The following NFAT5 variants were observed in gnomAD, a reference collection of about 807,000 sequenced individuals.
The protein encoded by NFAT5 is nuclear factor of activated T cells 5.
A neutral mutation model predicts 166.5 loss-of-function variants in NFAT5; 31 were observed. The observed-to-expected ratio is 0.19, with a 90% CI of 0.14 to 0.25. The LOEUF (loss-of-function observed/expected upper bound fraction) is 0.25, where lower values mean the gene tolerates loss of function less well. NFAT5 is among the 10% of genes least tolerant of loss of function. The probability of loss-of-function intolerance (pLI) is 1.00; values close to 1 mark genes in which losing one functional copy is unlikely to be tolerated. For missense variants in NFAT5, 1,449 were observed against 1,821.8 expected (o/e 0.80, Z 3.72); for synonymous variants, 612 against 639.7 (o/e 0.96, Z 0.65).
chr16:69,653,108 G>A (rs2035742761), intron 4 of NFAT5, 128 bp from the exon 5 acceptor site: 2 of 563,506 alleles, frequency 3.5e-6, no homozygotes, highest in Non-Finnish European at 5.9e-6. Context: ...ATTTTATTTT[G>A]CCAGCAAGCT....
In NFAT5 at chr16:69,568,479, T is replaced by G; in HGVS notation, c.74-16T>G. ...ATTCAGCATAAAAAGTACCTAATGC[T>G]TTTTGTGTTTTTCAGATTCTCTGAA... On this transcript the variant is annotated splice_polypyrimidine_tract_variant and intron_variant, in intron 1 of 14. Coordinates refer to ENST00000349945, the MANE Select transcript of NFAT5 (RefSeq NM_138713.4). 6.2e-7 allele frequency: 1 copy of G among 1,611,286 alleles called. No homozygotes were observed. Among genetic ancestry groups the G allele is most frequent in the Non-Finnish European group, 8.5e-7 (1 of 1,178,632 alleles).
At chr16:69,602,568 TTTTC>T (rs1288582117) in intron 2 of NFAT5, among the ~76,000 whole-genome samples, 20 of 150,854 alleles carry the variant, frequency 1.3e-4, no homozygotes, top group South Asian at 4.2e-4. Context: ...TGCCCAGACT[TTTTC>T]TTTCTTTCTT....
At chr16:69,655,824 A>G (rs374767130) in intron 6 of NFAT5, 25 bp downstream of exon 6, 7 of 1,585,508 alleles carry the variant, frequency 4.4e-6, no homozygotes, top group Middle Eastern at 1.7e-4. Context: ...AGAATTTTTC[A>G]TTATACATTA....
chr16:69,570,981 T>G (rs2016394958), intron 2 of NFAT5, among the ~76,000 whole-genome samples: 1 of 151,530 alleles, frequency 6.6e-6, no homozygotes, highest in African/African-American at 2.4e-5. Flanking sequence ...TTAGCTAAAG[T>G]TAAAAAATTT....
chr16:69,599,666 A>C (rs1263035294), intron 2 of NFAT5, among the ~76,000 whole-genome samples: 5 of 152,224 alleles, frequency 3.3e-5, no homozygotes, highest in African/African-American at 1.2e-4. Flanking sequence ...GCATGATCAT[A>C]GTGATTTTTG....
intron 3 of NFAT5, among the ~76,000 whole-genome samples, chr16:69,646,804 A>G (rs950421507): frequency 6.6e-6 from 1 of 152,248 alleles, no homozygotes; most frequent in Non-Finnish European, 1.5e-5. Flanking sequence ...TTAAAAATCT[A>G]TGGATTGTAA....
In NFAT5 at chr16:69,655,593, T is replaced by C; in HGVS notation, c.1006-16T>C. The C allele has an allele frequency of 6.5e-7, 1 of 1,540,546 alleles. No homozygotes were observed. The highest frequency in any genetic ancestry group is 8.8e-7 in the Non-Finnish European group (1 of 1,140,620). ...AATACTAATTAGTGTTTCTGTTGCATGTTTTCTGGTTTCAGCTGGAAGGCC... is the reference window on the plus strand; with the variant it reads ...AATACTAATTAGTGTTTCTGTTGCACGTTTTCTGGTTTCAGCTGGAAGGCC... On this transcript the variant is annotated splice_polypyrimidine_tract_variant and intron_variant, in intron 5 of 14. Transcript: ENST00000349945.
intron 3 of NFAT5, among the ~76,000 whole-genome samples, chr16:69,627,210 A>T (rs983454279): frequency 1.3e-5 from 2 of 151,054 alleles, no homozygotes; most frequent in Admixed American, 1.3e-4. Context: ...ACAAGCTAAT[A>T]GAAAAAAGTG....
rs532201039 is a variant in NFAT5 at position 69,677,085 on chromosome 16, A to G, written c.1558-118A>G. ...CCTGTGAACCTGAGCTTTAAAATGCATTCTTTTTTTTTTAATCACTTTTTA... is the reference window on the plus strand; with the variant it reads ...CCTGTGAACCTGAGCTTTAAAATGCGTTCTTTTTTTTTTAATCACTTTTTA... On this transcript the variant is annotated intron_variant, in intron 9 of 14. Coordinates refer to ENST00000349945, the MANE Select transcript of NFAT5 (RefSeq NM_138713.4). 2.5e-4 allele frequency: 242 copies of G among 983,244 alleles called. 5 individuals are homozygous for G. The South Asian group carries it at 3.8e-3, about 16-fold the overall frequency. The allele number at this position is 983,244 out of a possible 1,614,324, so 60.9% of individuals were successfully genotyped here.
rs2037802196 is a variant in NFAT5 at position 69,697,600 on chromosome 16, C to T, written c.*1249C>T. On this transcript the variant is annotated 3_prime_UTR_variant, in exon 15 of 15. Coordinates refer to ENST00000349945, the MANE Select transcript of NFAT5 (RefSeq NM_138713.4). ...TGGTTCCCACAAGCCTTAGGCTTTA[C>T]AGGGTTGTATCATTGACTTAAAATG... is the stretch of plus-strand genomic sequence containing the variant. 1.3e-5 allele frequency: 2 copies of T among 152,598 alleles called. No homozygotes were observed. Among genetic ancestry groups the T allele is most frequent in the Admixed American group, 6.5e-5 (1 of 15,270 alleles). The allele number at this position is 152,598 out of a possible 1,614,324, so 9.5% of individuals were successfully genotyped here.
intron 4 of NFAT5, among the ~76,000 whole-genome samples, chr16:69,652,720 T>C (rs1261818341): frequency 6.6e-6 from 1 of 151,420 alleles, no homozygotes; most frequent in Non-Finnish European, 1.5e-5. Flanking sequence ...GGCCATTTTG[T>C]ATGGGGGTAT....
At chr16:69,617,797 T>C (rs541362522) in intron 2 of NFAT5, among the ~76,000 whole-genome samples, 5 of 152,152 alleles carry the variant, frequency 3.3e-5, no homozygotes, top group African/African-American at 1.2e-4. Context: ...TGGCTGAACA[T>C]AATTTTAAAG....
chr16:69,639,015 G>C (rs1412285991), intron 3 of NFAT5, among the ~76,000 whole-genome samples: 1 of 152,150 alleles, frequency 6.6e-6, no homozygotes, highest in African/African-American at 2.4e-5. Flanking sequence ...GTAGCTGTCA[G>C]CTAGTATAAT....
At chr16:69,633,721 G>A (rs957620537) in intron 3 of NFAT5, among the ~76,000 whole-genome samples, 1 of 152,070 alleles carries the variant, frequency 6.6e-6, no homozygotes, top group Non-Finnish European at 1.5e-5. Flanking sequence ...TTTGTTGAAG[G>A]ATACAAAATT....
chr16:69,640,824 A>T (rs989277898), intron 3 of NFAT5, among the ~76,000 whole-genome samples: 3 of 151,984 alleles, frequency 2.0e-5, no homozygotes, highest in Non-Finnish European at 4.4e-5. Flanking sequence ...TCTACTAAAA[A>T]TACAGAATTA....
At chr16:69,645,260 G>A (rs2035389277) in intron 3 of NFAT5, among the ~76,000 whole-genome samples, 2 of 152,154 alleles carry the variant, frequency 1.3e-5, no homozygotes, top group African/African-American at 2.4e-5. Context: ...ATACAAAATT[G>A]ATAAGTTTTC....
intron 2 of NFAT5, among the ~76,000 whole-genome samples, chr16:69,606,404 C>G (rs1393933374): frequency 3.3e-5 from 5 of 152,170 alleles, no homozygotes; most frequent in South Asian, 4.1e-4. Flanking sequence ...ATTGCTGGAT[C>G]CTGTGATTCA....
intron 9 of NFAT5, among the ~76,000 whole-genome samples, chr16:69,674,738 T>G (rs1299301474): frequency 6.6e-6 from 1 of 152,180 alleles, no homozygotes; most frequent in Non-Finnish European, 1.5e-5. Flanking sequence ...TATTCCCAAC[T>G]GTAAAATTAA....
At chr16:69,644,800 T>C (rs1486336762) in intron 3 of NFAT5, 2 of 453,538 alleles carry the variant, frequency 4.4e-6, no homozygotes, top group Non-Finnish European at 8.8e-6. Flanking sequence ...TGAACAGGGA[T>C]CCCTGAGATG....
Sources: gnomAD v4.1 joint callset for allele counts (sites outside exome capture counted in the v4.1 genomes callset) on GRCh38, gnomAD v4.1.1 for gene constraint, MANE v1.5 for transcripts, NCBI Gene and HGNC (gene_info 2026-07-23, HGNC 2026-07-21) for gene names.